Variants in FTO observed in about 807,000 individuals in gnomAD.
FTO encodes the protein alpha-ketoglutarate-dependent dioxygenase FTO.
FTO carries 47 observed loss-of-function variants against 63.9 expected under a neutral mutation model. The observed-to-expected ratio is 0.74, with a 90% CI of 0.58 to 0.94. FTO has a LOEUF of 0.94. Among genes scored for constraint, FTO ranks in the 40% least tolerant of loss-of-function variants. The probability of loss-of-function intolerance (pLI) is 0.00; values close to 1 mark genes in which losing one functional copy is unlikely to be tolerated. For synonymous variants in FTO, 207 were observed against 224.4 expected (o/e 0.92, Z 0.69); for missense variants, 562 against 618.1 (o/e 0.91, Z 0.96).
chr16:54,035,818 C>G (rs1466497069), intron 8 of FTO, among the ~76,000 whole-genome samples: 1 of 152,128 alleles, frequency 6.6e-6, no homozygotes, highest in Admixed American at 6.5e-5. Context: ...TCCTTTCACC[C>G]GCTTCCTCTT....
intron 8 of FTO, among the ~76,000 whole-genome samples, chr16:53,995,247 A>G (rs1323622820): frequency 6.6e-6 from 1 of 152,238 alleles, no homozygotes; most frequent in African/African-American, 2.4e-5. Context: ...GTTGTCTTAA[A>G]TGGCTTTGTG....
At chr16:53,787,696 T>C (rs1241525850) in intron 1 of FTO, among the ~76,000 whole-genome samples, 1 of 152,320 alleles carries the variant, frequency 6.6e-6, no homozygotes. Flanking sequence ...TAACTAATCA[T>C]ATAAACATCT....
chr16:53,929,697 G>A (rs2082234297), intron 7 of FTO, among the ~76,000 whole-genome samples: 1 of 152,186 alleles, frequency 6.6e-6, no homozygotes, highest in African/African-American at 2.4e-5. Flanking sequence ...TATTTTAGAT[G>A]CTCTTGGGTT....
At chr16:53,850,500 T>A (rs1473235628) in intron 4 of FTO, among the ~76,000 whole-genome samples, 6 of 152,192 alleles carry the variant, frequency 3.9e-5, no homozygotes, top group African/African-American at 1.4e-4. Context: ...TTATGGAATT[T>A]ACTCTAAGGA....
chr16:53,844,336 G>C (rs775676674), intron 4 of FTO, 38 bp downstream of exon 4: 1 of 1,462,132 alleles, frequency 6.8e-7, no homozygotes, highest in Admixed American at 1.7e-5. Flanking sequence ...TGAAACTCTA[G>C]TGTCTAAATT....
At chr16:53,860,269 T>G (rs1382358481) in intron 4 of FTO, among the ~76,000 whole-genome samples, 1 of 152,222 alleles carries the variant, frequency 6.6e-6, no homozygotes, top group Admixed American at 6.5e-5. Flanking sequence ...TCTAACAATG[T>G]TATACTCATA....
At chr16:54,009,193 T>G (rs2084282993) in intron 8 of FTO, among the ~76,000 whole-genome samples, 1 of 152,136 alleles carries the variant, frequency 6.6e-6, no homozygotes, top group African/African-American at 2.4e-5. Context: ...AGACCCCTTT[T>G]TCTGCTGCTG....
At chr16:53,801,653 ATATT>A (rs1386531791) in intron 1 of FTO, among the ~76,000 whole-genome samples, 1 of 150,936 alleles carries the variant, frequency 6.6e-6, no homozygotes, top group East Asian at 1.9e-4. Context: ...GTCTGAAAAA[ATATT>A]TATTTCTCCT....
In FTO at chr16:54,013,125, A is replaced by T. The variant is rs550041676; in HGVS notation, c.1364+79016A>T. ...ACACTGTTAAGAAAATTCATGATTC[A>T]TGGGAGGAAGTCAAAATATCAGCAT... On this transcript the variant is annotated intron_variant, in intron 8 of 8. Coordinates refer to ENST00000471389, the MANE Select transcript of FTO (RefSeq NM_001080432.3). 9.8e-5 allele frequency among the ~76,000 whole-genome samples: 15 copies of T among 152,340 alleles called. No individual in the cohort carries two copies. The East Asian group carries it at 2.9e-3, about 29-fold the overall frequency.
At chr16:54,110,724 T>G (rs1339953146) in intron 8 of FTO, among the ~76,000 whole-genome samples, 2 of 152,220 alleles carry the variant, frequency 1.3e-5, no homozygotes, top group Non-Finnish European at 1.5e-5. Flanking sequence ...TGACCACTTT[T>G]TAATTGATTT....
At chr16:53,817,825 G>A (rs1399646411) in intron 2 of FTO, among the ~76,000 whole-genome samples, 1 of 152,142 alleles carries the variant, frequency 6.6e-6, no homozygotes, top group Non-Finnish European at 1.5e-5. Flanking sequence ...CAAAGGCCTG[G>A]CATGCTGGCA....
intron 7 of FTO, among the ~76,000 whole-genome samples, chr16:53,922,067 C>A (rs1439290732): frequency 6.6e-6 from 1 of 152,098 alleles, no homozygotes; most frequent in African/African-American, 2.4e-5. Context: ...CTTTATAAAG[C>A]GTACCATAGT....
At chr16:53,889,902 T>C (rs1010288169) in intron 7 of FTO, among the ~76,000 whole-genome samples, 2 of 152,234 alleles carry the variant, frequency 1.3e-5, no homozygotes, top group African/African-American at 4.8e-5. Flanking sequence ...AGGTGTTTTC[T>C]GTAAAACTTC....
chr16:54,038,411 C>G (rs1359510922), intron 8 of FTO, among the ~76,000 whole-genome samples: 1 of 152,062 alleles, frequency 6.6e-6, no homozygotes, highest in African/African-American at 2.4e-5. Context: ...GTGATTATGC[C>G]CAACCTGGAA....
At chr16:53,977,644 T>G (rs1223215250) in intron 8 of FTO, among the ~76,000 whole-genome samples, 1 of 152,196 alleles carries the variant, frequency 6.6e-6, no homozygotes, top group Non-Finnish European at 1.5e-5. Flanking sequence ...CTTTCAACTT[T>G]TTTGCTCTTG....
Position 53,911,349 on chromosome 16 carries a change from G to A in FTO, c.1239+22398G>A, listed in dbSNP as rs1294628118. 1.7e-5 allele frequency: 12 copies of A among 702,882 alleles called. No individual in the cohort carries two copies. The African/African-American group carries it at 2.1e-4, about 12-fold the overall frequency. The allele number at this position is 702,882 out of a possible 1,614,324, so 43.5% of individuals were successfully genotyped here. ...AACAGCCAGAGATAGCAGCGAGAGAGGTGAGAAGAGGACCAGGAGTAGGTG... is the reference window on the plus strand; with the variant it reads ...AACAGCCAGAGATAGCAGCGAGAGAAGTGAGAAGAGGACCAGGAGTAGGTG... On this transcript the variant is annotated intron_variant, in intron 7 of 8. Coordinates refer to ENST00000471389, the MANE Select transcript of FTO (RefSeq NM_001080432.3).
In FTO at chr16:54,117,200, G is replaced by A. The variant is rs1020235436; in HGVS notation, c.*5285G>A. On this transcript the variant is annotated 3_prime_UTR_variant, in exon 9 of 9. Transcript: ENST00000471389. ...GTTGTCTTATCTACAAAATAGAATA[G>A]TAGTAATCCATCACCTAAGGTTGTT... 3.9e-5 allele frequency: 6 copies of A among 152,156 alleles called. No homozygotes were observed. Among genetic ancestry groups the A allele is most frequent in the Non-Finnish European group, 7.3e-5 (5 of 68,028 alleles). The allele number at this position is 152,156 out of a possible 1,614,324, so 9.4% of individuals were successfully genotyped here. A position where few individuals can be genotyped will look rare whatever the true frequency, so the allele number is the denominator to read the frequency against.
chr16:53,945,292 C>G (rs2082628977), intron 8 of FTO, among the ~76,000 whole-genome samples: 1 of 152,286 alleles, frequency 6.6e-6, no homozygotes, highest in Non-Finnish European at 1.5e-5. Flanking sequence ...TAGCAGCTGA[C>G]ATTTATTGAG....
At chr16:54,073,611 C>T (rs771113643) in intron 8 of FTO, among the ~76,000 whole-genome samples, 33 of 150,600 alleles carry the variant, frequency 2.2e-4, no homozygotes, top group Non-Finnish European at 2.2e-4. Context: ...CTCTCTCTCT[C>T]TCTCCCCTTT....
Sources: gnomAD v4.1 joint callset for allele counts (sites outside exome capture counted in the v4.1 genomes callset) on GRCh38, gnomAD v4.1.1 for gene constraint, MANE v1.5 for transcripts, NCBI Gene and HGNC (gene_info 2026-07-23, HGNC 2026-07-21) for gene names.